The following KCNB2 variants were observed in gnomAD, a reference collection of about 807,000 sequenced individuals.
The protein encoded by KCNB2 is delayed rectifier potassium channel protein.
A neutral mutation model predicts 61.5 loss-of-function variants in KCNB2; 15 were observed. The observed-to-expected ratio is 0.24, with a 90% CI of 0.16 to 0.38. The LOEUF (loss-of-function observed/expected upper bound fraction) is 0.38, where lower values mean the gene tolerates loss of function less well. Among genes scored for constraint, KCNB2 ranks in the 10% least tolerant of loss-of-function variants. The probability of loss-of-function intolerance (pLI) is 1.00; values close to 1 mark genes in which losing one functional copy is unlikely to be tolerated. For missense variants in KCNB2, 828 were observed against 1,125.2 expected (o/e 0.74, Z 3.78); for synonymous variants, 457 against 446.0 (o/e 1.02, Z -0.31).
rs73313504 is a variant in KCNB2, at chr8:72,755,837, G to A, written c.580-180098G>A. ...TGACAAGGAAAACGGTTCCCCCACCGCACCCAACTCCCTACTCACTACAAC... is the reference window on the plus strand; with the variant it reads ...TGACAAGGAAAACGGTTCCCCCACCACACCCAACTCCCTACTCACTACAAC... On this transcript the variant is annotated intron_variant, in intron 2 of 2. Transcript: ENST00000523207. Among the ~76,000 whole-genome samples the A allele has an allele frequency of 8.3e-3, 1,270 of 152,158 alleles. 14 individuals are homozygous for A. The highest frequency in any genetic ancestry group is 0.029 in the African/African-American group (1,211 of 41,538).
chr8:72,793,569 A>G (rs1173479854), intron 2 of KCNB2, among the ~76,000 whole-genome samples: 1 of 152,192 alleles, frequency 6.6e-6, no homozygotes, highest in African/African-American at 2.4e-5. Flanking sequence ...CTCTGACTGC[A>G]TCTTCCAGAT....
intron 2 of KCNB2, among the ~76,000 whole-genome samples, chr8:72,834,124 A>G (rs1809741352): frequency 6.6e-6 from 1 of 152,138 alleles, no homozygotes; most frequent in South Asian, 2.1e-4. Context: ...TTATTTATGC[A>G]TCTGTGTGAG....
chr8:72,903,603 T>TA (rs1563418986), intron 2 of KCNB2, among the ~76,000 whole-genome samples: 1 of 152,044 alleles, frequency 6.6e-6, no homozygotes, highest in Non-Finnish European at 1.5e-5. Context: ...ATAAATAAAA[T>TA]AAATGACTTA....
intron 2 of KCNB2, among the ~76,000 whole-genome samples, chr8:72,684,266 G>A (rs941462630): frequency 1.3e-5 from 2 of 152,220 alleles, no homozygotes; most frequent in African/African-American, 2.4e-5. Flanking sequence ...ACAAAATAAG[G>A]TGTACCGTAT....
intron 2 of KCNB2, among the ~76,000 whole-genome samples, chr8:72,677,799 A>G (rs1806685338): frequency 6.6e-6 from 1 of 152,200 alleles, no homozygotes; most frequent in South Asian, 2.1e-4. Flanking sequence ...TTATAGAAAT[A>G]AACAAATAGT....
At chr8:72,924,230 T>C (rs567967894) in intron 2 of KCNB2, among the ~76,000 whole-genome samples, 1 of 152,272 alleles carries the variant, frequency 6.6e-6, no homozygotes, top group African/African-American at 2.4e-5. Context: ...GGTTTTTTTC[T>C]AGCTAATTAC....
At chr8:72,620,799 G>T (rs1805703245) in intron 2 of KCNB2, among the ~76,000 whole-genome samples, 1 of 151,946 alleles carries the variant, frequency 6.6e-6, no homozygotes, top group Non-Finnish European at 1.5e-5. Context: ...GTAGAGACGG[G>T]GTTTCACCAC....
intron 2 of KCNB2, among the ~76,000 whole-genome samples, chr8:72,856,621 T>C (rs1222351272): frequency 6.6e-6 from 1 of 152,214 alleles, no homozygotes; most frequent in Non-Finnish European, 1.5e-5. Flanking sequence ...AAGTATTGTA[T>C]CATTATTACC....
At chr8:72,914,061 G>A (rs1325711202) in intron 2 of KCNB2, among the ~76,000 whole-genome samples, 1 of 152,136 alleles carries the variant, frequency 6.6e-6, no homozygotes, top group Admixed American at 6.5e-5. Context: ...TTGAGGCTAG[G>A]AAGTCCAAGA....
chr8:72,673,148 G>C (rs1462400743), intron 2 of KCNB2, among the ~76,000 whole-genome samples: 1 of 152,094 alleles, frequency 6.6e-6, no homozygotes, highest in Admixed American at 6.6e-5. Context: ...ATTCACAAAA[G>C]GTGGAAAAAG....
rs573316087 is a variant in KCNB2, at chr8:72,851,972, G to A, written c.580-83963G>A. The stretch of plus-strand genomic sequence containing the variant: ...ACATAGAGGCTGGGCGTGGTGCCCC[G>A]TGCCTGTAATTCCAGCATTTTGGGA... On this transcript the variant is annotated intron_variant, in intron 2 of 2. Coordinates refer to ENST00000523207, the MANE Select transcript of KCNB2 (RefSeq NM_004770.3). Among the ~76,000 whole-genome samples, 16 of 152,012 alleles carry A rather than the reference G, an allele frequency of 1.1e-4. No individual in the cohort carries two copies. The South Asian group carries it at 2.9e-3, about 28-fold the overall frequency.
chr8:72,679,148 A>C (rs926802189), intron 2 of KCNB2, among the ~76,000 whole-genome samples: 16 of 152,010 alleles, frequency 1.1e-4, no homozygotes, highest in Admixed American at 9.8e-4. Context: ...GGTTTGCTTT[A>C]AGGGGATTTA....
At chr8:72,652,884 G>T (rs1230230922) in intron 2 of KCNB2, among the ~76,000 whole-genome samples, 1 of 152,102 alleles carries the variant, frequency 6.6e-6, no homozygotes, top group Admixed American at 6.6e-5. Context: ...TCCAACAGTT[G>T]TGGAGACTAG....
intron 2 of KCNB2, among the ~76,000 whole-genome samples, chr8:72,652,138 A>G (rs1224670092): frequency 6.6e-6 from 1 of 152,124 alleles, no homozygotes; most frequent in East Asian, 1.9e-4. Context: ...CCTTGGACAA[A>G]TTTTGTAAAG....
At chr8:72,781,201 C>A (rs1808748122) in intron 2 of KCNB2, among the ~76,000 whole-genome samples, 1 of 152,270 alleles carries the variant, frequency 6.6e-6, no homozygotes, top group East Asian at 1.9e-4. Flanking sequence ...TTTTGCTGTG[C>A]AGGAGCTCTT....
Position 72,815,909 on chromosome 8 carries a change from G to A in KCNB2, c.580-120026G>A, listed in dbSNP as rs189736665. Among the ~76,000 whole-genome samples, 62 of 152,072 alleles carry A rather than the reference G, an allele frequency of 4.1e-4. No homozygotes were observed. In the East Asian group the frequency reaches 0.01, roughly 25 times the overall value. ...GAACTACATGAGGGTATGAAGAAAT[G>A]GTGACATAATATAAAAGAAAAAATA... On this transcript the variant is annotated intron_variant, in intron 2 of 2. Transcript: ENST00000523207.
intron 2 of KCNB2, among the ~76,000 whole-genome samples, chr8:72,735,206 A>G (rs1807821198): frequency 6.6e-6 from 1 of 152,160 alleles, no homozygotes; most frequent in South Asian, 2.1e-4. Flanking sequence ...GTGAAGTTCC[A>G]TTATTTAACA....
At chr8:72,715,112 T>C (rs1203754496) in intron 2 of KCNB2, among the ~76,000 whole-genome samples, 1 of 152,160 alleles carries the variant, frequency 6.6e-6, no homozygotes, top group Admixed American at 6.5e-5. Flanking sequence ...AAGAACTAAC[T>C]ATCCTAAATA....
intron 2 of KCNB2, among the ~76,000 whole-genome samples, chr8:72,654,576 G>A (rs575021383): frequency 9.2e-5 from 14 of 152,250 alleles, no homozygotes; most frequent in African/African-American, 2.2e-4. Flanking sequence ...TCAAATGGCC[G>A]TCTAAACAAT....
Sources: allele counts gnomAD v4.1 joint callset (sites outside exome capture counted in the v4.1 genomes callset), GRCh38; gene constraint gnomAD v4.1.1; transcripts MANE v1.5; gene names NCBI Gene and HGNC (gene_info 2026-07-23, HGNC 2026-07-21).